The following GLIS1 variants were observed in gnomAD, a reference collection of about 807,000 sequenced individuals.
GLIS1 encodes GLIS family zinc finger 1, also known as zinc finger protein GLIS1.
GLIS1 carries 24 observed loss-of-function variants against 63.8 expected under a neutral mutation model. The ratio of observed to expected loss-of-function variants is 0.38; its 90% CI spans 0.27 to 0.53. The LOEUF is 0.53. Ranked by LOEUF, GLIS1 falls within the 20% of genes least tolerant of loss-of-function variation. The probability of loss-of-function intolerance (pLI) is 0.85; values close to 1 mark genes in which losing one functional copy is unlikely to be tolerated. For synonymous variants in GLIS1, 450 were observed against 482.5 expected (o/e 0.93, Z 0.88); for missense variants, 1,036 against 1,074.1 (o/e 0.96, Z 0.50).
intron 2 of GLIS1, among the ~76,000 whole-genome samples, chr1:53,664,473 T>G (rs1646066581): frequency 6.6e-6 from 1 of 152,252 alleles, no homozygotes; most frequent in Admixed American, 6.5e-5. Context: ...CATCATCACA[T>G]GCAGACAACC....
At chr1:53,522,109 T>C (rs745376156) in intron 6 of GLIS1, among the ~76,000 whole-genome samples, 14 of 152,250 alleles carry the variant, frequency 9.2e-5, no homozygotes, top group Admixed American at 3.3e-4. Flanking sequence ...AAATTAAGTT[T>C]CTGGCAAAAG....
chr1:53,719,763 G>C lies in GLIS1; in HGVS notation c.259+18043C>G, dbSNP rs564676482. ...TCAGACACTGTTGGTGGGAATGTAG[G>C]ACAGACATTATGGAAAACAGTATAA... On this transcript the variant is annotated intron_variant, in intron 2 of 10. Transcript: ENST00000628545. Among the ~76,000 whole-genome samples the C allele has an allele frequency of 1.1e-4, 17 of 152,270 alleles. No homozygotes were observed. In the East Asian group the frequency reaches 3.3e-3, roughly 29 times the overall value.
rs144962862 is a variant in GLIS1, at chr1:53,517,076, G to C, written c.1727-2295C>G. On this transcript the variant is annotated intron_variant, in intron 7 of 10. Coordinates refer to ENST00000628545, the MANE Select transcript of GLIS1 (RefSeq NM_001367484.1). Reference sequence around the variant, plus strand: ...ATAATATATTCCATTTTAAGATGAGGAAACTAAATATTAACAAGTTGAATG... The same window carrying C: ...ATAATATATTCCATTTTAAGATGAGCAAACTAAATATTAACAAGTTGAATG... Among the ~76,000 whole-genome samples, 536 of 152,224 alleles carry C rather than the reference G, an allele frequency of 3.5e-3. 3 individuals carry two copies. The highest frequency in any genetic ancestry group is 0.012 in the African/African-American group (493 of 41,516).
At chr1:53,724,423 A>T (rs1449206784) in intron 2 of GLIS1, among the ~76,000 whole-genome samples, 1 of 152,200 alleles carries the variant, frequency 6.6e-6, no homozygotes, top group Non-Finnish European at 1.5e-5. Context: ...GGAAAACTAA[A>T]TTTTTAATTT....
At chr1:53,724,739 T>G (rs1646788529) in intron 2 of GLIS1, among the ~76,000 whole-genome samples, 1 of 152,104 alleles carries the variant, frequency 6.6e-6, no homozygotes, top group African/African-American at 2.4e-5. Flanking sequence ...AGGCTGGTCT[T>G]GAACTCCTGG....
chr1:53,638,320 C>T (rs1311998381), intron 2 of GLIS1, among the ~76,000 whole-genome samples: 2 of 152,226 alleles, frequency 1.3e-5, no homozygotes, highest in East Asian at 3.8e-4. Flanking sequence ...TGGTCCGTTC[C>T]CATCACAGCA....
In GLIS1 at chr1:53,551,156, T is replaced by G. The variant is rs541464473; in HGVS notation, c.1321-21204A>C. Among the ~76,000 whole-genome samples, 7 of 152,286 alleles carry G rather than the reference T, an allele frequency of 4.6e-5. No individual in the cohort carries two copies. The East Asian group carries it at 5.8e-4, about 13-fold the overall frequency. On this transcript the variant is annotated intron_variant, in intron 4 of 10. Transcript: ENST00000628545. The stretch of plus-strand genomic sequence containing the variant: ...GCCACTGCGCCCGGCCAGTGATTTT[T>G]TAAAGGATCCCCCGTGTTGAGCCCT...
At chr1:53,736,533 C>T (rs1000002087) in intron 2 of GLIS1, among the ~76,000 whole-genome samples, 2 of 152,136 alleles carry the variant, frequency 1.3e-5, no homozygotes, top group Admixed American at 6.5e-5. Flanking sequence ...CTGCGCAGCG[C>T]TCCTCTCTGG....
intron 2 of GLIS1, among the ~76,000 whole-genome samples, chr1:53,698,992 C>T (rs1175440714): frequency 1.3e-5 from 2 of 152,188 alleles, no homozygotes; most frequent in African/African-American, 2.4e-5. Context: ...GCATGCCACA[C>T]ACTGCACTGT....
intron 3 of GLIS1, among the ~76,000 whole-genome samples, chr1:53,599,638 C>G (rs1390156084): frequency 6.6e-6 from 1 of 152,270 alleles, no homozygotes; most frequent in Non-Finnish European, 1.5e-5. Flanking sequence ...CAGTGCACAC[C>G]CTAATGAGAC....
At chr1:53,688,658 C>G (rs1383011490) in intron 2 of GLIS1, 3 of 152,282 alleles carry the variant, frequency 2.0e-5, no homozygotes, top group South Asian at 2.1e-4. Context: ...CCAGGGCAGG[C>G]CCACAGCCCC....
Position 53,608,320 on chromosome 1 carries a change from T to G in GLIS1, c.260-8042A>C, listed in dbSNP as rs565739498. Among the ~76,000 whole-genome samples, 43 of 152,296 alleles carry G rather than the reference T, an allele frequency of 2.8e-4. 1 individual carries two copies. On this transcript the variant is annotated intron_variant, in intron 2 of 10. Transcript: ENST00000628545. ...TGATCAGGGCTCCACCCTTATGACC[T>G]CATTTAACTTTAATTACTTCCTTAG... is the stretch of plus-strand genomic sequence containing the variant.
At chr1:53,561,954 T>C (rs557474552) in intron 4 of GLIS1, among the ~76,000 whole-genome samples, 1 of 152,324 alleles carries the variant, frequency 6.6e-6, no homozygotes, top group Admixed American at 6.5e-5. Flanking sequence ...GACAGGCTCA[T>C]TTGTCCACAG....
At position 53,543,623 on chromosome 1, in the gene GLIS1, G is replaced by A. The variant is rs1167809585; in HGVS notation, c.1321-13671C>T. Among the ~76,000 whole-genome samples the A allele has an allele frequency of 3.3e-5, 5 of 152,166 alleles. No individual in the cohort carries two copies. In the East Asian group the frequency reaches 9.6e-4, roughly 29 times the overall value. On this transcript the variant is annotated intron_variant, in intron 4 of 10. Transcript: ENST00000628545. ...AATGACTACAAACAAAGGACTAAATGTTTCCATGTCAACAGAAAATAATGC... is the reference window on the plus strand; with the variant it reads ...AATGACTACAAACAAAGGACTAAATATTTCCATGTCAACAGAAAATAATGC...
At chr1:53,629,915 G>C (rs577507370) in intron 2 of GLIS1, among the ~76,000 whole-genome samples, 16 of 152,310 alleles carry the variant, frequency 1.1e-4, no homozygotes, top group African/African-American at 3.8e-4. Context: ...TTTCCTTTCT[G>C]AGAGATATGT....
chr1:53,731,087 G>T (rs1335247487), intron 2 of GLIS1, among the ~76,000 whole-genome samples: 1 of 152,206 alleles, frequency 6.6e-6, no homozygotes, highest in Non-Finnish European at 1.5e-5. Flanking sequence ...TACGACCGGG[G>T]CCTTGGCAAG....
intron 2 of GLIS1, among the ~76,000 whole-genome samples, chr1:53,715,726 T>G (rs1370317166): frequency 2.0e-5 from 3 of 151,988 alleles, no homozygotes; most frequent in Non-Finnish European, 4.4e-5. Flanking sequence ...ATGGTCACTG[T>G]GCCTAATGTT....
chr1:53,718,423 C>G lies in GLIS1; in HGVS notation c.259+19383G>C, dbSNP rs528935588. On this transcript the variant is annotated intron_variant, in intron 2 of 10. Coordinates refer to ENST00000628545, the MANE Select transcript of GLIS1 (RefSeq NM_001367484.1). ...CAGACTGATGGAGTATGGCGGCAAG[C>G]GGGGGAATGGTAACAGCCCCATATA... Among the ~76,000 whole-genome samples, 14 of 151,950 alleles carry G rather than the reference C, an allele frequency of 9.2e-5. 1 individual carries two copies. In the South Asian group the frequency reaches 1.7e-3, roughly 18 times the overall value.
chr1:53,575,335 G>A (rs981739294), intron 4 of GLIS1, among the ~76,000 whole-genome samples: 8 of 152,136 alleles, frequency 5.3e-5, no homozygotes, highest in East Asian at 1.9e-4. Context: ...TCCTCAGTCT[G>A]ACATCTACAG....
Sources: allele counts gnomAD v4.1 joint callset (sites outside exome capture counted in the v4.1 genomes callset), GRCh38; gene constraint gnomAD v4.1.1; transcripts MANE v1.5; gene names NCBI Gene and HGNC (gene_info 2026-07-23, HGNC 2026-07-21).